The following BCAS3 variants were observed in gnomAD, a reference collection of about 807,000 sequenced individuals.
BCAS3 encodes BCAS4/BCAS3 fusion.
BCAS3 carries 53 observed loss-of-function variants against 116.1 expected under a neutral mutation model. The observed-to-expected ratio is 0.46, with a 90% CI of 0.37 to 0.57. The LOEUF (loss-of-function observed/expected upper bound fraction) is 0.57. BCAS3 is among the 20% of genes least tolerant of loss of function. BCAS3 has a pLI of 0.00. For synonymous variants in BCAS3, 391 were observed against 408.2 expected (o/e 0.96, Z 0.51); for missense variants, 917 against 1,165.4 (o/e 0.79, Z 3.10).
chr17:60,792,271 C>G (rs761805578), intron 6 of BCAS3, among the ~76,000 whole-genome samples: 2 of 152,242 alleles, frequency 1.3e-5, no homozygotes, highest in Admixed American at 6.5e-5. Flanking sequence ...GCAGAAGCCC[C>G]ACCTTCTGAG....
intron 14 of BCAS3, among the ~76,000 whole-genome samples, chr17:60,966,701 G>A (rs1010236734): frequency 8.3e-6 from 1 of 120,080 alleles, no homozygotes; most frequent in Admixed American, 9.6e-5. Context: ...GTCTTACTCT[G>A]TTACCCAGTG....
chr17:61,301,490 A>T (rs1029646051), intron 22 of BCAS3, among the ~76,000 whole-genome samples: 20 of 152,092 alleles, frequency 1.3e-4, no homozygotes, highest in Non-Finnish European at 2.9e-4. Flanking sequence ...ACAAAAAATT[A>T]GCTGGGCGTG....
chr17:61,214,241 C>T lies in BCAS3; in HGVS notation c.2425+129677C>T, dbSNP rs887173636. Among the ~76,000 whole-genome samples, 1 of 152,058 alleles carries T rather than the reference C, an allele frequency of 6.6e-6. No individual in the cohort carries two copies. Among genetic ancestry groups the T allele is most frequent in the Non-Finnish European group, 1.5e-5 (1 of 68,022 alleles). On this transcript the variant is annotated intron_variant, in intron 22 of 23. Transcript: ENST00000407086. The surrounding 1 kb of genome is among the most constrained non-coding windows in gnomAD (Gnocchi z 4.4). ...ATTAGCCAGGTGTGGTGGCAGGCAC[C>T]TGTAATCCCAGCTACTTGGGAGGCC...
At chr17:61,116,266 A>C (rs9890279) in intron 22 of BCAS3, among the ~76,000 whole-genome samples, 2,205 of 151,284 alleles carry the variant, frequency 0.015, 29 homozygotes, top group African/African-American at 0.018. Flanking sequence ...ATAAATAAAT[A>C]AATAAATAAA....
At position 61,021,942 on chromosome 17, in the gene BCAS3, G is replaced by A. The variant is rs1246084712; in HGVS notation, c.1637+6041G>A. Among the ~76,000 whole-genome samples, 6 of 152,084 alleles carry A rather than the reference G, an allele frequency of 3.9e-5. No individual in the cohort carries two copies. Among genetic ancestry groups the A allele is most frequent in the Non-Finnish European group, 8.8e-5 (6 of 68,010 alleles). ...CGGAGAATTAAATTGGAAATATTTGGAGAAAGACCCACTAGATACAGATAT... is the reference window on the plus strand; with the variant it reads ...CGGAGAATTAAATTGGAAATATTTGAAGAAAGACCCACTAGATACAGATAT... On this transcript the variant is annotated intron_variant, in intron 16 of 23. Transcript: ENST00000407086. This position sits in a 1 kb window ranked among gnomAD's most constrained non-coding sequence, Gnocchi z 4.6.
chr17:60,698,206 G>A (rs201527245), intron 4 of BCAS3, among the ~76,000 whole-genome samples: 14 of 128,898 alleles, frequency 1.1e-4, no homozygotes, highest in Middle Eastern at 4.1e-3. Flanking sequence ...AAAAAAAAAA[G>A]AGCAGCAGTG....
intron 22 of BCAS3, among the ~76,000 whole-genome samples, chr17:61,103,366 T>G (rs2074444099): frequency 6.6e-6 from 1 of 152,126 alleles, no homozygotes; most frequent in Non-Finnish European, 1.5e-5. Context: ...GTGGCTTTAG[T>G]AAGGAATATG....
intron 7 of BCAS3, among the ~76,000 whole-genome samples, chr17:60,824,289 T>G (rs2050197775): frequency 1.3e-5 from 2 of 152,216 alleles, no homozygotes; most frequent in Non-Finnish European, 2.9e-5. Context: ...TTTGTGGGAT[T>G]TCGGGAAGAT....
rs1225204656 is a variant in BCAS3 at position 61,363,294 on chromosome 17, C to T, written c.2426-5033C>T. Among the ~76,000 whole-genome samples, 1 of 152,260 alleles carries T rather than the reference C, an allele frequency of 6.6e-6. No individual in the cohort carries two copies. Among genetic ancestry groups the T allele is most frequent in the Non-Finnish European group, 1.5e-5 (1 of 68,004 alleles). The stretch of plus-strand genomic sequence containing the variant: ...AACTTCACCTGGAAAGATAGAGCAC[C>T]TTTTATGCCGTTAGAGTTTGAGCAA... On this transcript the variant is annotated intron_variant, in intron 22 of 23. Coordinates refer to ENST00000407086, the MANE Select transcript of BCAS3 (RefSeq NM_017679.5). This position sits in a 1 kb window ranked among gnomAD's most constrained non-coding sequence, Gnocchi z 4.9.
Position 60,679,175 on chromosome 17 carries a change from A to C in BCAS3, c.-5-278A>C, listed in dbSNP as rs1299248717. 2.0e-5 allele frequency among the ~76,000 whole-genome samples: 3 copies of C among 152,232 alleles called. No individual in the cohort carries two copies. The East Asian group carries it at 5.8e-4, about 29-fold the overall frequency. On this transcript the variant is annotated intron_variant, in intron 1 of 23. Transcript: ENST00000407086. ...GGGAGGCGGAGATTGCCATGAGCAGAGATCGTGCCACTGAACTCCAGCCTG... is the reference window on the plus strand; with the variant it reads ...GGGAGGCGGAGATTGCCATGAGCAGCGATCGTGCCACTGAACTCCAGCCTG...
At position 61,077,392 on chromosome 17, in the gene BCAS3, C is replaced by T. The variant is rs1033198458; in HGVS notation, c.2131-941C>T. 2.0e-5 allele frequency among the ~76,000 whole-genome samples: 3 copies of T among 152,124 alleles called. No homozygotes were observed. Among genetic ancestry groups the T allele is most frequent in the African/African-American group, 7.2e-5 (3 of 41,436 alleles). On this transcript the variant is annotated intron_variant, in intron 20 of 23. Transcript: ENST00000407086. The surrounding 1 kb of genome is among the most constrained non-coding windows in gnomAD (Gnocchi z 4.3). ...ATTAGCCGGGCGTGGTGGCGGGCGC[C>T]TGTAGTCCCAGCTACTGGGGAGGCT...
chr17:60,936,920 A>C (rs894345937), intron 13 of BCAS3, among the ~76,000 whole-genome samples: 3 of 152,196 alleles, frequency 2.0e-5, no homozygotes, highest in African/African-American at 7.2e-5. Flanking sequence ...TGTTTTAGAC[A>C]TGAAGTCTTT....
chr17:60,938,883 G>T (rs2060083922), intron 13 of BCAS3, among the ~76,000 whole-genome samples: 1 of 152,048 alleles, frequency 6.6e-6, no homozygotes, highest in Admixed American at 6.6e-5. Flanking sequence ...AGGAATACTG[G>T]CAAATTAAAA....
intron 5 of BCAS3, among the ~76,000 whole-genome samples, chr17:60,711,530 T>C (rs2037929168): frequency 6.6e-6 from 1 of 152,208 alleles, no homozygotes; most frequent in African/African-American, 2.4e-5. Context: ...GGGTGTTGAC[T>C]GGATTGAACA....
rs976766340 is a variant in BCAS3 at position 61,186,988 on chromosome 17, G to A, written c.2425+102424G>A. On this transcript the variant is annotated intron_variant, in intron 22 of 23. Transcript: ENST00000407086. This position sits in a 1 kb window ranked among gnomAD's most constrained non-coding sequence, Gnocchi z 4.9. ...GCCTCCCAAAGTGCTGGGATTACAAGCGTGAGCCACTGCGCCCAGCCAACA... is the reference window on the plus strand; with the variant it reads ...GCCTCCCAAAGTGCTGGGATTACAAACGTGAGCCACTGCGCCCAGCCAACA... Among the ~76,000 whole-genome samples, 3 of 152,174 alleles carry A rather than the reference G, an allele frequency of 2.0e-5. No individual in the cohort carries two copies. The highest frequency in any genetic ancestry group is 4.4e-5 in the Non-Finnish European group (3 of 68,016).
chr17:61,375,246 G>GTGTGTGTGCGCGCGCACA lies in BCAS3; in HGVS notation c.2593+6760_2593+6761insCGCGCGCACATGTGTGTG, dbSNP rs1555861732. 4.0e-5 allele frequency among the ~76,000 whole-genome samples: 6 copies of GTGTGTGTGCGCGCGCACA among 150,782 alleles called. 1 individual carries two copies. In the South Asian group the frequency reaches 1.0e-3, roughly 26 times the overall value. ...TGTGTGTGTGTGTGTGTGTGTGTGTGTGTGTGTGTACTAATAAAGTCTTTC... is the reference window on the plus strand; with the variant it reads ...TGTGTGTGTGTGTGTGTGTGTGTGTGTGTGTGTGCGCGCGCACATGTGTGTGTACTAATAAAGTCTTTC... On this transcript the variant is annotated intron_variant, in intron 23 of 23. Coordinates refer to ENST00000407086, the MANE Select transcript of BCAS3 (RefSeq NM_017679.5).
intron 4 of BCAS3, among the ~76,000 whole-genome samples, chr17:60,697,406 C>A (rs1441907430): frequency 6.6e-6 from 1 of 151,502 alleles, no homozygotes; most frequent in Non-Finnish European, 1.5e-5. Flanking sequence ...ACTAAAAATA[C>A]AAAATAAATA....
At chr17:60,953,640 C>A (rs2060963530) in intron 14 of BCAS3, among the ~76,000 whole-genome samples, 1 of 151,808 alleles carries the variant, frequency 6.6e-6, no homozygotes, top group African/African-American at 2.4e-5. Flanking sequence ...AAACCTTTGC[C>A]AGTTCCTGTG....
intron 15 of BCAS3, chr17:61,002,795 T>G (rs1437985979): frequency 6.6e-6 from 1 of 152,160 alleles, no homozygotes; most frequent in Non-Finnish European, 1.5e-5. Context: ...ACTTGTTATC[T>G]GTATACTTTA....
Sources: allele counts gnomAD v4.1 joint callset (sites outside exome capture counted in the v4.1 genomes callset), GRCh38; gene constraint gnomAD v4.1.1; non-coding constraint Gnocchi (gnomAD v3.1); transcripts MANE v1.5; gene names NCBI Gene and HGNC (gene_info 2026-07-23, HGNC 2026-07-21).